CENPH: variants seen among roughly 807,000 people sequenced by gnomAD.
CENPH encodes the protein centromere protein H.
CENPH carries 40 observed loss-of-function variants against 42.9 expected under a neutral mutation model. That is an observed-to-expected ratio of 0.93 (90% CI 0.72 to 1.21). The LOEUF (loss-of-function observed/expected upper bound fraction) is 1.21. CENPH is among the 50% of genes most tolerant of loss of function. CENPH has a pLI of 0.00. For synonymous variants in CENPH, 88 were observed against 96.5 expected (o/e 0.91, Z 0.52); for missense variants, 302 against 292.9 (o/e 1.03, Z -0.23).
In CENPH at chr5:69,194,635, A is replaced by G. The variant is rs1747933084; in HGVS notation, c.191-12A>G. ...AAAATGTTAGTAACTTCAAAAAATTATTTATTTGCAGGTGAAGAAAAAACT... is the reference window on the plus strand; with the variant it reads ...AAAATGTTAGTAACTTCAAAAAATTGTTTATTTGCAGGTGAAGAAAAAACT... On this transcript the variant is annotated splice_polypyrimidine_tract_variant and intron_variant, in intron 2 of 8. Transcript: ENST00000283006. 1.3e-6 allele frequency: 2 copies of G among 1,536,674 alleles called. No individual in the cohort carries two copies. Among genetic ancestry groups the G allele is most frequent in the Non-Finnish European group, 1.8e-6 (2 of 1,122,942 alleles).
chr5:69,202,559 A>T lies in CENPH; in HGVS notation c.425A>T (p.Lys142Ile), dbSNP rs772652611. Residue 142 changes from lysine (K) to isoleucine (I), a missense_variant, in exon 6 of 9, where the codon AAA becomes ATA. By Grantham distance (102) the Lys-to-Ile change is moderately radical (BLOSUM62 -3). Transcript: ENST00000283006. ...HLLELNKLIMKSQQESWDLEE... is the reference protein window; with the variant it reads ...HLLELNKLIMISQQESWDLEE... Reference sequence around the variant, plus strand: ...TTAGAGCTAAATAAATTAATAATGAAATCACAGCAGGTAAACTTACACATT... The same window carrying T: ...TTAGAGCTAAATAAATTAATAATGATATCACAGCAGGTAAACTTACACATT... The T allele has an allele frequency of 9.6e-6, 15 of 1,556,124 alleles. No homozygotes were observed. Among genetic ancestry groups the T allele is most frequent in the Non-Finnish European group, 1.3e-5 (15 of 1,132,890 alleles).
At chr5:69,206,342 C>T (rs896955269) in intron 7 of CENPH, among the ~76,000 whole-genome samples, 3 of 151,438 alleles carry the variant, frequency 2.0e-5, no homozygotes, top group African/African-American at 7.3e-5. Context: ...CCACCACTCC[C>T]AGCTAATTTT....
chr5:69,203,313 C>T (rs1748088533), intron 7 of CENPH, among the ~76,000 whole-genome samples: 1 of 152,024 alleles, frequency 6.6e-6, no homozygotes, highest in African/African-American at 2.4e-5. Flanking sequence ...ACTACAGGCA[C>T]CCACCACCAT....
chr5:69,208,422 C>A, intron 8 of CENPH, 63 bp downstream of exon 8: 1 of 1,060,060 alleles, frequency 9.4e-7, no homozygotes, highest in Non-Finnish European at 1.4e-6. Context: ...TGAAGTGGCT[C>A]GATCTCAGCT....
At chr5:69,191,434 C>G (rs1747869796) in intron 1 of CENPH, among the ~76,000 whole-genome samples, 1 of 152,168 alleles carries the variant, frequency 6.6e-6, no homozygotes. Flanking sequence ...ATGGCGTGAA[C>G]CCGGGAGGCG....
At position 69,193,464 on chromosome 5, in the gene CENPH, TA is replaced by T. The variant is rs552655667; in HGVS notation, c.191-1175del. 2.8e-3 allele frequency among the ~76,000 whole-genome samples: 420 copies of T among 151,052 alleles called. 5 individuals are homozygous for T. The highest frequency in any genetic ancestry group is 9.5e-3 in the African/African-American group (391 of 41,210). ...GGAAACATAGCGAGACCCCCACCTC[TA>T]AAAAAAACAATTGGCCAGATGTGGT... On this transcript the variant is annotated intron_variant, in intron 2 of 8. Transcript: ENST00000283006.
At chr5:69,197,200 T>C (rs1052686915) in intron 5 of CENPH, 91 bp downstream of exon 5, 1 of 696,266 alleles carries the variant, frequency 1.4e-6, no homozygotes, top group Admixed American at 3.5e-5. Context: ...TACTGCCAAC[T>C]ACCTTTGTCT....
chr5:69,206,091 C>A (rs1301159258), intron 7 of CENPH, among the ~76,000 whole-genome samples: 1 of 151,996 alleles, frequency 6.6e-6, no homozygotes, highest in Non-Finnish European at 1.5e-5. Flanking sequence ...TATAGAACTC[C>A]TGGGCTCAAG....
At chr5:69,191,673 A>C (rs1747874295) in intron 1 of CENPH, 122 bp from the exon 2 acceptor site, 1 of 629,898 alleles carries the variant, frequency 1.6e-6, no homozygotes, top group Non-Finnish European at 2.8e-6. Context: ...TAGGAGTTTA[A>C]TTATTTATAT....
At chr5:69,206,096 C>T (rs559149854) in intron 7 of CENPH, among the ~76,000 whole-genome samples, 4 of 152,022 alleles carry the variant, frequency 2.6e-5, no homozygotes, top group Non-Finnish European at 5.9e-5. Flanking sequence ...AACTCCTGGG[C>T]TCAAGTGATC....
intron 7 of CENPH, among the ~76,000 whole-genome samples, chr5:69,203,430 G>A (rs1748090620): frequency 1.3e-5 from 2 of 152,070 alleles, no homozygotes; most frequent in South Asian, 2.1e-4. Flanking sequence ...GCAGTGGCAC[G>A]ATCTCGGCTC....
In CENPH at chr5:69,208,308, A is replaced by G; in HGVS notation, c.600A>G (p.Gln200=). 6.2e-7 allele frequency: 1 copy of G among 1,602,068 alleles called. No homozygotes were observed. Among genetic ancestry groups the G allele is most frequent in the Non-Finnish European group, 8.5e-7 (1 of 1,169,598 alleles). Residue 200 remains glutamine (Q), a synonymous_variant, in exon 8 of 9, where the codon CAA becomes CAG. Coordinates refer to ENST00000283006, the MANE Select transcript of CENPH (RefSeq NM_022909.4). ...CAGAGAGGATAAAGATCATACGACA[A>G]AACCTACAGATGGAGATAAAAATTA... The part of the protein sequence containing the change: ...ENSERIKIIR[Q]NLQMEIKITT...
chr5:69,193,893 C>T (rs1488747342), intron 2 of CENPH, among the ~76,000 whole-genome samples: 6 of 151,910 alleles, frequency 3.9e-5, no homozygotes, highest in Non-Finnish European at 7.4e-5. Flanking sequence ...CTCAGGTGAT[C>T]CACCTGCCTC....
chr5:69,206,530 C>T (rs1465428137), intron 7 of CENPH, among the ~76,000 whole-genome samples: 1 of 151,698 alleles, frequency 6.6e-6, no homozygotes, highest in Admixed American at 6.6e-5. Context: ...CTCTTGTCAC[C>T]CAGGCTGGAG....
At chr5:69,200,883 A>G (rs1748049671) in intron 5 of CENPH, among the ~76,000 whole-genome samples, 1 of 151,450 alleles carries the variant, frequency 6.6e-6, no homozygotes, top group Non-Finnish European at 1.5e-5. Flanking sequence ...GATTACAGAC[A>G]CACACCATCA....
chr5:69,202,146 TAAA>T (rs1244104912), intron 5 of CENPH, among the ~76,000 whole-genome samples: 2 of 152,084 alleles, frequency 1.3e-5, no homozygotes, highest in African/African-American at 2.4e-5. Context: ...ACATTCAAAA[TAAA>T]AACTAAAATT....
intron 8 of CENPH, among the ~76,000 whole-genome samples, chr5:69,209,410 C>T (rs1311325142): frequency 2.0e-5 from 3 of 151,760 alleles, no homozygotes; most frequent in East Asian, 3.9e-4. Flanking sequence ...TGGTGGTGGG[C>T]GCCTGTAATC....
intron 7 of CENPH, 121 bp downstream of exon 7, chr5:69,203,091 T>A (rs1365661599): frequency 7.2e-6 from 5 of 693,838 alleles, no homozygotes; most frequent in Non-Finnish European, 1.3e-5. Flanking sequence ...CCTTAAAATT[T>A]TTGACATGGC....
chr5:69,199,656 A>G (rs1436044473), intron 5 of CENPH, among the ~76,000 whole-genome samples: 2 of 152,158 alleles, frequency 1.3e-5, no homozygotes, highest in Non-Finnish European at 2.9e-5. Flanking sequence ...CCTTGATACT[A>G]TCTGGGAGTC....
Sources: gnomAD v4.1 joint callset for allele counts (sites outside exome capture counted in the v4.1 genomes callset) on GRCh38, gnomAD v4.1.1 for gene constraint, MANE v1.5 for transcripts, NCBI Gene and HGNC (gene_info 2026-07-23, HGNC 2026-07-21) for gene names.